CRIM1: variants seen among roughly 807,000 people sequenced by gnomAD.
CRIM1 encodes the protein cysteine rich transmembrane BMP regulator 1.
A neutral mutation model predicts 116.4 loss-of-function variants in CRIM1; 32 were observed. The ratio of observed to expected loss-of-function variants is 0.27; its 90% CI spans 0.21 to 0.37. The LOEUF is 0.37. CRIM1 is among the 10% of genes least tolerant of loss of function. CRIM1 has a pLI of 1.00. For synonymous variants in CRIM1, 590 were observed against 509.2 expected (o/e 1.16, Z -2.13); for missense variants, 1,331 against 1,354.8 (o/e 0.98, Z 0.28).
chr2:36,491,664 A>C (rs1221454024), intron 7 of CRIM1, among the ~76,000 whole-genome samples: 1 of 152,198 alleles, frequency 6.6e-6, no homozygotes, highest in East Asian at 1.9e-4. Flanking sequence ...GGTTATAAAC[A>C]ATGAATGAAG....
At chr2:36,464,807 C>T in intron 5 of CRIM1, 152 bp downstream of exon 5, 1 of 818,992 alleles carries the variant, frequency 1.2e-6, no homozygotes, top group East Asian at 2.5e-5. Context: ...TTAAGATCCA[C>T]AGTGCAGTAA....
chr2:36,518,777 AAT>A (rs1346608215), intron 12 of CRIM1, among the ~76,000 whole-genome samples: 1 of 152,152 alleles, frequency 6.6e-6, no homozygotes, highest in Non-Finnish European at 1.5e-5. Context: ...GTTTTTTGTT[AAT>A]ATATAGCAGT....
intron 4 of CRIM1, among the ~76,000 whole-genome samples, chr2:36,455,395 A>T (rs1270112097): frequency 1.3e-5 from 2 of 152,192 alleles, no homozygotes; most frequent in African/African-American, 2.4e-5. Context: ...TAGCAGTCAT[A>T]TGATATGTGG....
chr2:36,384,646 C>T (rs1671043950), intron 1 of CRIM1, among the ~76,000 whole-genome samples: 1 of 152,178 alleles, frequency 6.6e-6, no homozygotes, highest in Admixed American at 6.5e-5. Flanking sequence ...CCAAGGTATT[C>T]ATATGCATTT....
In CRIM1 at chr2:36,513,514, G is replaced by T. The variant is rs376980596; in HGVS notation, c.1781-42G>T. ...AGACTCTGTAGCCTGTTTCTCCTGT[G>T]CAGTAGCCACTTCTTTACCAGGCTG... On this transcript the variant is annotated intron_variant, in intron 10 of 16. Transcript: ENST00000280527. 3.5e-5 allele frequency: 54 copies of T among 1,532,728 alleles called. No individual in the cohort carries two copies. The Middle Eastern group carries it at 7.4e-4, about 21-fold the overall frequency. The allele number at this position is 1,532,728 out of a possible 1,614,324, so 94.9% of individuals were successfully genotyped here.
chr2:36,456,167 T>C (rs1169805829), intron 4 of CRIM1, among the ~76,000 whole-genome samples: 1 of 152,120 alleles, frequency 6.6e-6, no homozygotes, highest in East Asian at 1.9e-4. Flanking sequence ...GAGGATTTAA[T>C]AGTCAACCTC....
intron 7 of CRIM1, among the ~76,000 whole-genome samples, chr2:36,495,487 T>TATTTATTTA (rs67640324): frequency 9.1e-4 from 131 of 144,308 alleles, no homozygotes; most frequent in African/African-American, 3.3e-3. Context: ...TTTTTTTTTT[T>TATTTATTTA]TTTTTTTTTG....
chr2:36,441,435 A>G lies in CRIM1; in HGVS notation c.683A>G (p.Asn228Ser). ...AAAGTCTGCCAGCCGGGAAACCTGA[A>G]CATACTAGTGTCAAAAGCCTCAGGG... ...LRKVCQPGNL[N>S]ILVSKASGKP... is the part of the protein sequence containing the mutation. The change falls in exon 3 of 17, where the codon AAC (asparagine) becomes AGC (serine). Residue 228 changes from asparagine to serine, a missense_variant. Around this residue, in one of 3 missense-constraint regions of CRIM1, gnomAD observed 690 missense variants for 676.0 expected, o/e 1.02. Transcript: ENST00000280527. 1 of 1,614,028 alleles carries G rather than the reference A, an allele frequency of 6.2e-7. No individual in the cohort carries two copies. Among genetic ancestry groups the G allele is most frequent in the Non-Finnish European group, 8.5e-7 (1 of 1,180,024 alleles).
At chr2:36,441,990 T>C (rs972435916) in intron 3 of CRIM1, among the ~76,000 whole-genome samples, 1 of 152,166 alleles carries the variant, frequency 6.6e-6, no homozygotes, top group African/African-American at 2.4e-5. Flanking sequence ...CTTTGCCAAT[T>C]CCCCCGCATC....
At chr2:36,377,332 C>G (rs577017479) in intron 1 of CRIM1, among the ~76,000 whole-genome samples, 30 of 152,350 alleles carry the variant, frequency 2.0e-4, no homozygotes, top group African/African-American at 7.0e-4. Context: ...GGGATACAGT[C>G]TCAAGAAAAC....
chr2:36,408,336 C>T (rs1267750490), intron 2 of CRIM1, among the ~76,000 whole-genome samples: 1 of 152,168 alleles, frequency 6.6e-6, no homozygotes, highest in African/African-American at 2.4e-5. Flanking sequence ...TGGTTTCTGA[C>T]TTGGCTGTAG....
At position 36,509,971 on chromosome 2, in the gene CRIM1, G is replaced by A. The variant is rs1558384351; in HGVS notation, c.1502-12G>A. On this transcript the variant is annotated splice_polypyrimidine_tract_variant and intron_variant, in intron 8 of 16. Coordinates refer to ENST00000280527, the MANE Select transcript of CRIM1 (RefSeq NM_016441.3). ...TCTTTGGAAGAAACATGCCGTCTCT[G>A]TGTCTTCACAGCCGAGGAACTATGT... The A allele has an allele frequency of 6.2e-7, 1 of 1,612,240 alleles. No homozygotes were observed. Among genetic ancestry groups the A allele is most frequent in the South Asian group, 1.1e-5 (1 of 90,780 alleles).
intron 12 of CRIM1, 98 bp downstream of exon 12, chr2:36,517,640 G>T: frequency 8.2e-7 from 1 of 1,222,038 alleles, no homozygotes; most frequent in Non-Finnish European, 1.1e-6. Context: ...AGCCCCATAT[G>T]GGAGTGTGCC....
Position 36,479,683 on chromosome 2 carries a change from C to T in CRIM1, c.1361C>T (p.Pro454Leu), listed in dbSNP as rs751158790. The change falls in exon 7 of 17, where the codon CCT becomes CTT. Residue 454 changes from proline to leucine, a missense_variant. Physicochemically the swap from Pro to Leu is moderately conservative, Grantham distance 98. Coordinates refer to ENST00000280527, the MANE Select transcript of CRIM1 (RefSeq NM_016441.3). The stretch of plus-strand genomic sequence containing the variant: ...GTGAAAGTGCCTGGGGAGTGTTGCC[C>T]TGTGTGCGAAGGTAAATCTTGCAGA... ...NPVKVPGECC[P>L]VCEEPTIITV... 6.2e-7 allele frequency: 1 copy of T among 1,614,142 alleles called. No individual in the cohort carries two copies. Among genetic ancestry groups the T allele is most frequent in the South Asian group, 1.1e-5 (1 of 91,086 alleles).
chr2:36,404,983 A>C (rs1441782881), intron 2 of CRIM1, among the ~76,000 whole-genome samples: 1 of 152,072 alleles, frequency 6.6e-6, no homozygotes, highest in Non-Finnish European at 1.5e-5. Flanking sequence ...GTACGTGCTA[A>C]ATTTTATTCT....
chr2:36,534,909 G>A (rs1241064507), intron 13 of CRIM1, among the ~76,000 whole-genome samples: 1 of 152,106 alleles, frequency 6.6e-6, no homozygotes, highest in Admixed American at 6.5e-5. Flanking sequence ...TATGGGCCAA[G>A]GTTCATGTAA....
intron 5 of CRIM1, among the ~76,000 whole-genome samples, chr2:36,469,773 A>G (rs1678345939): frequency 6.6e-6 from 1 of 152,166 alleles, no homozygotes; most frequent in Admixed American, 6.5e-5. Context: ...GCACTTTGAG[A>G]GCAATACTCC....
chr2:36,463,041 A>G (rs1052951734), intron 4 of CRIM1, among the ~76,000 whole-genome samples: 1 of 152,198 alleles, frequency 6.6e-6, no homozygotes, highest in Admixed American at 6.5e-5. Context: ...TAGAAATACA[A>G]TTGCAGCAAA....
chr2:36,538,853 G>C (rs1172128815), intron 14 of CRIM1, among the ~76,000 whole-genome samples: 7 of 152,168 alleles, frequency 4.6e-5, no homozygotes, highest in Admixed American at 4.6e-4. Flanking sequence ...ATTTTATCTA[G>C]TGTATATTCA....
Sources: allele counts gnomAD v4.1 joint callset (sites outside exome capture counted in the v4.1 genomes callset), GRCh38; gene constraint gnomAD v4.1.1; regional missense constraint gnomAD v4.1.1; transcripts MANE v1.5; gene names NCBI Gene and HGNC (gene_info 2026-07-23, HGNC 2026-07-21).